Variants in ADCY2 observed in about 807,000 individuals in gnomAD.
The protein encoded by ADCY2 is adenylate cyclase 2.
ADCY2 carries 31 observed loss-of-function variants against 125.2 expected under a neutral mutation model. The ratio of observed to expected loss-of-function variants is 0.25; its 90% CI spans 0.19 to 0.33. The LOEUF (loss-of-function observed/expected upper bound fraction) is 0.33, where lower values mean the gene tolerates loss of function less well. ADCY2 is among the 10% of genes least tolerant of loss of function. The pLI is 1.00. For synonymous variants in ADCY2, 512 were observed against 548.4 expected (o/e 0.93, Z 0.93); for missense variants, 904 against 1,418.2 (o/e 0.64, Z 5.82).
At chr5:7,467,218 C>T (rs968856205) in intron 2 of ADCY2, among the ~76,000 whole-genome samples, 1 of 152,192 alleles carries the variant, frequency 6.6e-6, no homozygotes, top group Non-Finnish European at 1.5e-5. Context: ...TATCTTGCCT[C>T]TTAAAACAAC....
At chr5:7,510,445 C>A (rs993579788) in intron 2 of ADCY2, among the ~76,000 whole-genome samples, 1 of 152,126 alleles carries the variant, frequency 6.6e-6, no homozygotes, top group Non-Finnish European at 1.5e-5. Flanking sequence ...GGGTCACAGG[C>A]ACAGCACCTG....
intron 2 of ADCY2, among the ~76,000 whole-genome samples, chr5:7,518,077 A>G (rs527508645): frequency 1.3e-5 from 2 of 152,322 alleles, no homozygotes; most frequent in South Asian, 4.1e-4. Flanking sequence ...TCCAAAATAA[A>G]TTTCATTTGC....
intron 16 of ADCY2, among the ~76,000 whole-genome samples, chr5:7,764,505 T>C (rs1252940678): frequency 2.0e-5 from 3 of 152,208 alleles, no homozygotes; most frequent in Non-Finnish European, 2.9e-5. Flanking sequence ...AATGATGTCA[T>C]CAGGCATAAA....
intron 3 of ADCY2, among the ~76,000 whole-genome samples, chr5:7,585,161 G>A (rs1310655502): frequency 6.6e-6 from 1 of 151,860 alleles, no homozygotes; most frequent in Non-Finnish European, 1.5e-5. Flanking sequence ...TTGGGACCTG[G>A]GTCTCCTCTG....
At chr5:7,688,933 T>C (rs1250713000) in intron 4 of ADCY2, among the ~76,000 whole-genome samples, 2 of 152,134 alleles carry the variant, frequency 1.3e-5, no homozygotes, top group Admixed American at 6.5e-5. Context: ...GGCCAAAGCA[T>C]AGAGAAATTG....
intron 2 of ADCY2, among the ~76,000 whole-genome samples, chr5:7,475,753 A>G (rs1742501876): frequency 6.6e-6 from 1 of 152,202 alleles, no homozygotes; most frequent in Admixed American, 6.5e-5. Flanking sequence ...AGTCAAGAGC[A>G]GCTCCCAGGC....
intron 3 of ADCY2, among the ~76,000 whole-genome samples, chr5:7,551,621 C>G (rs1362845637): frequency 6.6e-6 from 1 of 152,168 alleles, no homozygotes; most frequent in Non-Finnish European, 1.5e-5. Flanking sequence ...GTATCAGGTA[C>G]TAGTGATTCC....
chr5:7,722,294 GC>G (rs1741786562), intron 12 of ADCY2, among the ~76,000 whole-genome samples: 1 of 152,146 alleles, frequency 6.6e-6, no homozygotes, highest in South Asian at 2.1e-4. Flanking sequence ...GTGCATGCTG[GC>G]CCAACTAGTA....
intron 8 of ADCY2, 115 bp from the exon 9 acceptor site, chr5:7,707,591 C>A: frequency 8.1e-7 from 1 of 1,234,132 alleles, no homozygotes. Flanking sequence ...TAATTGCGGT[C>A]AGTGCTCCTA....
chr5:7,696,436 G>A (rs1297273849), intron 6 of ADCY2, among the ~76,000 whole-genome samples: 2 of 152,222 alleles, frequency 1.3e-5, no homozygotes, highest in South Asian at 4.2e-4. Flanking sequence ...TCACAGATAG[G>A]AAATGACCTG....
At position 7,396,295 on chromosome 5, in the gene ADCY2, C is replaced by G. The variant is rs757412839; in HGVS notation, c.-2C>G. 2.4e-5 allele frequency: 32 copies of G among 1,341,190 alleles called. No individual in the cohort carries two copies. The highest frequency in any genetic ancestry group is 1.2e-4 in the South Asian group (7 of 59,794). The allele number at this position is 1,341,190 out of a possible 1,614,324, so 83.1% of individuals were successfully genotyped here. ...ACGGCGGGCGCCCTGTGAGCGGCCC[C>G]GATGTGGCAGGAGGCGATGCGGCGC... On this transcript the variant is annotated 5_prime_UTR_variant, in exon 1 of 25. Coordinates refer to ENST00000338316, the MANE Select transcript of ADCY2 (RefSeq NM_020546.3). This position sits in a 1 kb window ranked among gnomAD's most constrained non-coding sequence, Gnocchi z 5.7.
intron 4 of ADCY2, among the ~76,000 whole-genome samples, chr5:7,683,445 G>T (rs1340511131): frequency 6.6e-6 from 1 of 152,198 alleles, no homozygotes; most frequent in Non-Finnish European, 1.5e-5. Flanking sequence ...AACAATAGTG[G>T]TTTCTCACTT....
At chr5:7,703,470 A>G (rs552543931) in intron 7 of ADCY2, among the ~76,000 whole-genome samples, 102 of 152,008 alleles carry the variant, frequency 6.7e-4, no homozygotes, top group African/African-American at 2.1e-3. Context: ...AGCACCATTT[A>G]TTAAATAGGG....
chr5:7,658,684 A>G (rs1739427017), intron 4 of ADCY2, among the ~76,000 whole-genome samples: 1 of 152,198 alleles, frequency 6.6e-6, no homozygotes, highest in Non-Finnish European at 1.5e-5. Context: ...AGAGTTCTCC[A>G]GAGACACAAC....
intron 1 of ADCY2, among the ~76,000 whole-genome samples, chr5:7,403,153 C>T (rs1739331977): frequency 6.6e-6 from 1 of 151,320 alleles, no homozygotes; most frequent in South Asian, 2.1e-4. Context: ...TTTTAGTGTC[C>T]TGTATTTTTT....
chr5:7,447,040 G>C (rs1440037868), intron 2 of ADCY2, among the ~76,000 whole-genome samples: 1 of 152,106 alleles, frequency 6.6e-6, no homozygotes, highest in Non-Finnish European at 1.5e-5. Flanking sequence ...TGCAGGTGAC[G>C]CATGTGTTTC....
At chr5:7,438,904 G>A (rs1444881071) in intron 2 of ADCY2, among the ~76,000 whole-genome samples, 2 of 152,126 alleles carry the variant, frequency 1.3e-5, no homozygotes, top group East Asian at 3.9e-4. Context: ...CTTGGTTTGA[G>A]AGAGGACAGC....
At chr5:7,738,581 G>T (rs967659918) in intron 14 of ADCY2, among the ~76,000 whole-genome samples, 1 of 151,940 alleles carries the variant, frequency 6.6e-6, no homozygotes. Flanking sequence ...TTATAAATGG[G>T]AAAGGACTAA....
chr5:7,722,465 G>A (rs985937308), intron 12 of ADCY2, among the ~76,000 whole-genome samples: 5 of 152,092 alleles, frequency 3.3e-5, no homozygotes, highest in African/African-American at 7.2e-5. Context: ...TAAAGACACC[G>A]TTCTGAAAGT....
Sources: allele counts gnomAD v4.1 joint callset (sites outside exome capture counted in the v4.1 genomes callset), GRCh38; gene constraint gnomAD v4.1.1; non-coding constraint Gnocchi (gnomAD v3.1); transcripts MANE v1.5; gene names NCBI Gene and HGNC (gene_info 2026-07-23, HGNC 2026-07-21).